ZNF778: variants seen among roughly 807,000 people sequenced by gnomAD.
ZNF778 encodes zinc finger protein 778.
In ZNF778, 37 loss-of-function variants were observed where a neutral mutation model predicts 23.9. The ratio of observed to expected loss-of-function variants is 1.54; its 90% CI spans 1.19 to 2.03. ZNF778 has a LOEUF of 2.03. Among genes scored for constraint, ZNF778 ranks in the 30% most tolerant of loss-of-function variants. ZNF778 has a pLI of 0.00. For missense variants in ZNF778, 1,297 were observed against 934.4 expected, an observed-to-expected ratio of 1.39 and a Z score of -5.06; for synonymous variants, 483 against 343.9, an observed-to-expected ratio of 1.40 and a Z score of -4.48.
Position 89,232,526 on chromosome 16 carries a change from C to T in ZNF778, c.*3964C>T, listed in dbSNP as rs553643025. 24 of 758,310 alleles carry T rather than the reference C, an allele frequency of 3.2e-5. No individual in the cohort carries two copies. The highest frequency in any genetic ancestry group is 2.6e-4 in the East Asian group (4 of 15,242). The allele number at this position is 758,310 out of a possible 1,614,324, so 47.0% of individuals were successfully genotyped here. On this transcript the variant is annotated 3_prime_UTR_variant, in exon 7 of 7. Coordinates refer to ENST00000433976, the MANE Select transcript of ZNF778 (RefSeq NM_001201407.2). ...GTATTTCTCTTCCTAACTCTCAGAA[C>T]GTGTTCTGTGTCACTTAGGGCAACT...
chr16:89,228,627 T>C lies in ZNF778; in HGVS notation c.*65T>C. 1.3e-6 allele frequency: 2 copies of C among 1,521,368 alleles called. No individual in the cohort carries two copies. Among genetic ancestry groups the C allele is most frequent in the South Asian group, 1.4e-5 (1 of 72,832 alleles). The allele number at this position is 1,521,368 out of a possible 1,614,324, so 94.2% of individuals were successfully genotyped here. A position where few individuals can be genotyped will look rare whatever the true frequency, so the allele number is the denominator to read the frequency against. On this transcript the variant is annotated 3_prime_UTR_variant, in exon 7 of 7. Transcript: ENST00000433976. ...CGTTGAAGACATGAAAGACCTCTCG[T>C]TCTCCAGATGTCCATGACTTGAGGA...
Position 89,223,169 on chromosome 16 carries a change from T to G in ZNF778, c.130T>G (p.Phe44Val), listed in dbSNP as rs1475944720. The stretch of plus-strand genomic sequence containing the variant: ...TGTGATGATTTAGGACGCGGTGACC[T>G]TTGACGACGTGGCTGTGGACTTCAC... The part of the protein sequence containing the change: ...LINCYQDAVT[F>V]DDVAVDFTQE... Residue 44 changes from phenylalanine to valine, a missense_variant, in exon 4 of 7, where the codon TTT becomes GTT. Transcript: ENST00000433976. 1 of 1,613,618 alleles carries G rather than the reference T, an allele frequency of 6.2e-7. No individual in the cohort carries two copies. Among genetic ancestry groups the G allele is most frequent in the South Asian group, 1.1e-5 (1 of 91,042 alleles).
In ZNF778 at chr16:89,223,409, G is replaced by A. The variant is rs1448401407; in HGVS notation, c.244+126G>A. On this transcript the variant is annotated intron_variant, in intron 4 of 6. Coordinates refer to ENST00000433976, the MANE Select transcript of ZNF778 (RefSeq NM_001201407.2). ...AGTAAGAGATATAACAACTGTGCTAGTAGGCTTGGTGCTAGTGTGGTCGTT... is the reference window on the plus strand; with the variant it reads ...AGTAAGAGATATAACAACTGTGCTAATAGGCTTGGTGCTAGTGTGGTCGTT... The A allele has an allele frequency of 6.0e-6, 8 of 1,331,284 alleles. No individual in the cohort carries two copies. The African/African-American group carries it at 8.8e-5, about 15-fold the overall frequency. The allele number at this position is 1,331,284 out of a possible 1,614,324, so 82.5% of individuals were successfully genotyped here. A position where few individuals can be genotyped will look rare whatever the true frequency, so the allele number is the denominator to read the frequency against.
At chr16:89,219,130 TAAG>T (rs754183463) in intron 1 of ZNF778, among the ~76,000 whole-genome samples, 32 of 152,078 alleles carry the variant, frequency 2.1e-4, no homozygotes, top group African/African-American at 3.1e-4. Flanking sequence ...AATAAAAAAA[TAAG>T]AAGGAGGTCA....
At chr16:89,224,449 C>T (rs1339907488) in intron 4 of ZNF778, among the ~76,000 whole-genome samples, 1 of 152,178 alleles carries the variant, frequency 6.6e-6, no homozygotes, top group Non-Finnish European at 1.5e-5. Flanking sequence ...GAAACCCCAT[C>T]TCTACTAAAA....
intron 1 of ZNF778, among the ~76,000 whole-genome samples, chr16:89,220,057 G>T (rs1357819854): frequency 6.6e-6 from 1 of 152,240 alleles, no homozygotes; most frequent in South Asian, 2.1e-4. Context: ...TATGAGTGCA[G>T]TCTGAGGGTC....
intron 5 of ZNF778, 116 bp from the exon 6 acceptor site, chr16:89,225,439 C>A: frequency 1.3e-6 from 1 of 772,106 alleles, no homozygotes. Flanking sequence ...CCAAATTTTA[C>A]ACATAGCCAA....
chr16:89,221,042 TA>T lies in ZNF778; in HGVS notation c.-85del. Reference sequence around the variant, plus strand: ...CGTGGGTCAGGAGGAATGGAGACTGTACCTTCCACATAGATTCACAAGCTGC... The same window carrying T: ...CGTGGGTCAGGAGGAATGGAGACTGTCCTTCCACATAGATTCACAAGCTGC... On this transcript the variant is annotated 5_prime_UTR_variant, in exon 2 of 7. It removes the in-frame stop codon of an upstream open reading frame in the 5' UTR. Coordinates refer to ENST00000433976, the MANE Select transcript of ZNF778 (RefSeq NM_001201407.2). 6.8e-7 allele frequency: 1 copy of T among 1,477,102 alleles called. No individual in the cohort carries two copies. The highest frequency in any genetic ancestry group is 1.2e-5 in the South Asian group (1 of 82,392). The allele number at this position is 1,477,102 out of a possible 1,614,324, so 91.5% of individuals were successfully genotyped here.
chr16:89,225,926 T>G (rs1193559392), intron 6 of ZNF778, among the ~76,000 whole-genome samples: 1 of 151,652 alleles, frequency 6.6e-6, no homozygotes, highest in African/African-American at 2.4e-5. Flanking sequence ...CTTTTTTTTT[T>G]TTTTGAGATG....
intron 4 of ZNF778, 45 bp from the exon 5 acceptor site, chr16:89,224,674 C>A (rs748567186): frequency 2.6e-5 from 37 of 1,408,048 alleles, no homozygotes; most frequent in Non-Finnish European, 3.6e-5. Context: ...GTTTGTCATC[C>A]CCTGCCTGAG....
In ZNF778 at chr16:89,237,019, G is replaced by A. The variant is rs2032256554; in HGVS notation, c.*8457G>A. 1 of 151,998 alleles carries A rather than the reference G, an allele frequency of 6.6e-6. No homozygotes were observed. The highest frequency in any genetic ancestry group is 6.6e-5 in the Admixed American group (1 of 15,264). The allele number at this position is 151,998 out of a possible 1,614,324, so 9.4% of individuals were successfully genotyped here. A position where few individuals can be genotyped will look rare whatever the true frequency, so the allele number is the denominator to read the frequency against. ...ACCCAGGAGGTGGAGGTTGCAGTCA[G>A]TCGAGATTGTGCCACGGCACTCCAG... On this transcript the variant is annotated 3_prime_UTR_variant, in exon 7 of 7. Transcript: ENST00000433976.
At position 89,228,612 on chromosome 16, in the gene ZNF778, A is replaced by G. The variant is rs1161830795; in HGVS notation, c.*50A>G. 3.3e-6 allele frequency: 5 copies of G among 1,525,532 alleles called. No individual in the cohort carries two copies. The highest frequency in any genetic ancestry group is 1.4e-5 in the South Asian group (1 of 73,564). 94.5% of individuals were successfully genotyped at this position (1,525,532 alleles called of 1,614,324 possible). ...AGCTACACTCATTCACGTTGAAGAC[A>G]TGAAAGACCTCTCGTTCTCCAGATG... On this transcript the variant is annotated 3_prime_UTR_variant, in exon 7 of 7. Transcript: ENST00000433976.
In ZNF778 at chr16:89,227,196, A is replaced by G. The variant is rs1018901738; in HGVS notation, c.908A>G (p.His303Arg). The G allele has an allele frequency of 6.2e-6, 10 of 1,613,796 alleles. No individual in the cohort carries two copies. The highest frequency in any genetic ancestry group is 8.5e-6 in the Non-Finnish European group (10 of 1,179,862). ...TAYLTGRVQV[H>R]PGEKPCELEE... ...TACCTTACTGGTCGCGTGCAAGTCC[A>G]CCCTGGGGAAAAGCCCTGTGAATTG... The change falls in exon 7 of 7, where the codon CAC becomes CGC. Residue 303 changes from histidine (H) to arginine (R), a missense_variant. Transcript: ENST00000433976.
At position 89,218,070 on chromosome 16, in the gene ZNF778, A is replaced by C. The variant is rs142403897; in HGVS notation, c.-132+160A>C. ...GCCCCGGGCGTGCAGCTCCCTGTGA[A>C]AGTTAGCCCGTGGGGGCCAGCGGGA... On this transcript the variant is annotated intron_variant, in intron 1 of 6. Coordinates refer to ENST00000433976, the MANE Select transcript of ZNF778 (RefSeq NM_001201407.2). Among the ~76,000 whole-genome samples the C allele has an allele frequency of 1.8e-3, 274 of 152,318 alleles. 7 individuals carry two copies. In the East Asian group the frequency reaches 0.048, roughly 26 times the overall value.
In ZNF778 at chr16:89,236,008, A is replaced by AAAG. The variant is rs1555518011; in HGVS notation, c.*7448_*7449insGAA. 46 of 151,684 alleles carry AAAG rather than the reference A, an allele frequency of 3.0e-4. No homozygotes were observed. The highest frequency in any genetic ancestry group is 8.0e-4 in the African/African-American group (33 of 41,408). 9.4% of individuals were successfully genotyped at this position (151,684 alleles called of 1,614,324 possible). A position where few individuals can be genotyped will look rare whatever the true frequency, so the allele number is the denominator to read the frequency against. ...CTCGTCTCTAGTAAAAAAAAAAAAA[A>AAAG]AAAAGAAAAATACAAAAATTTAGTT... is the stretch of plus-strand genomic sequence containing the variant. On this transcript the variant is annotated 3_prime_UTR_variant, in exon 7 of 7. Transcript: ENST00000433976.
rs551631827 is a variant in ZNF778, at chr16:89,227,150, A to G, written c.862A>G (p.Lys288Glu). 26 of 1,614,050 alleles carry G rather than the reference A, an allele frequency of 1.6e-5. No homozygotes were observed. The South Asian group carries it at 2.7e-4, about 17-fold the overall frequency. The part of the protein sequence containing the change: ...RNPHVCRECG[K>E]AFRYTAYLTG... ...TCCCCACGTATGTAGGGAATGTGGG[A>G]AGGCCTTTAGGTACACTGCCTACCT... The change falls in exon 7 of 7, where the codon AAG becomes GAG. Residue 288 changes from lysine (K) to glutamate (E), a missense_variant. Physicochemically the swap from Lys to Glu is moderately conservative, Grantham distance 56. Coordinates refer to ENST00000433976, the MANE Select transcript of ZNF778 (RefSeq NM_001201407.2).
At position 89,221,033 on chromosome 16, in the gene ZNF778, T is replaced by C; in HGVS notation, c.-95T>C. 5.0e-6 allele frequency: 7 copies of C among 1,403,248 alleles called. No homozygotes were observed. Among genetic ancestry groups the C allele is most frequent in the Middle Eastern group, 1.8e-4 (1 of 5,644 alleles). The allele number at this position is 1,403,248 out of a possible 1,614,324, so 86.9% of individuals were successfully genotyped here. A position where few individuals can be genotyped will look rare whatever the true frequency, so the allele number is the denominator to read the frequency against. On this transcript the variant is annotated 5_prime_UTR_variant, in exon 2 of 7. The change abolishes an upstream ATG in the 5' untranslated region. Transcript: ENST00000433976. The stretch of plus-strand genomic sequence containing the variant: ...CCAGCCATCCGTGGGTCAGGAGGAA[T>C]GGAGACTGTACCTTCCACATAGATT...
At position 89,227,674 on chromosome 16, in the gene ZNF778, G is replaced by C; in HGVS notation, c.1386G>C (p.Ser462=). ...GCGGGAAAGCCTTCTGTACATCCTC[G>C]GGCCTTACTGAGCATGTAAGGACTC... is the stretch of plus-strand genomic sequence containing the variant. ...KDCGKAFCTS[S]GLTEHVRTHT... is the part of the protein sequence containing the mutation. Residue 462 remains serine (S), a synonymous_variant, in exon 7 of 7, where the codon TCG becomes TCC. Transcript: ENST00000433976. The C allele has an allele frequency of 6.2e-7, 1 of 1,613,984 alleles. No individual in the cohort carries two copies. The highest frequency in any genetic ancestry group is 1.3e-5 in the African/African-American group (1 of 74,970).
At chr16:89,220,153 C>T (rs116036947) in intron 1 of ZNF778, among the ~76,000 whole-genome samples, 2 of 152,294 alleles carry the variant, frequency 1.3e-5, no homozygotes, top group South Asian at 4.1e-4. Context: ...CAGGTGACAA[C>T]AAAGTCAACA....
Sources: allele counts gnomAD v4.1 joint callset (sites outside exome capture counted in the v4.1 genomes callset), GRCh38; gene constraint gnomAD v4.1.1; transcripts MANE v1.5; gene names NCBI Gene and HGNC (gene_info 2026-07-23, HGNC 2026-07-21).